Variants in ARHGAP18 observed in about 807,000 individuals in gnomAD.
ARHGAP18 encodes rho GTPase-activating protein 18.
A neutral mutation model predicts 86.2 loss-of-function variants in ARHGAP18; 67 were observed. That is an observed-to-expected ratio of 0.78 (90% CI 0.64 to 0.95). The LOEUF (loss-of-function observed/expected upper bound fraction) is 0.95, where lower values mean the gene tolerates loss of function less well. Ranked by LOEUF, ARHGAP18 falls within the 40% of genes least tolerant of loss-of-function variation. The pLI is 0.00. For missense variants in ARHGAP18, 691 were observed against 780.4 expected (o/e 0.89, Z 1.37); for synonymous variants, 283 against 280.4 (o/e 1.01, Z -0.09).
At chr6:129,672,841 A>T (rs967474364) in intron 1 of ARHGAP18, among the ~76,000 whole-genome samples, 2 of 152,350 alleles carry the variant, frequency 1.3e-5, no homozygotes, top group South Asian at 2.1e-4. Flanking sequence ...AGCTTTCAAG[A>T]CCTTAGCACA....
intron 8 of ARHGAP18, among the ~76,000 whole-genome samples, chr6:129,609,955 T>C (rs1788943729): frequency 1.3e-5 from 2 of 152,160 alleles, no homozygotes; most frequent in Non-Finnish European, 2.9e-5. Context: ...CACAGCCCAT[T>C]AGAAGCAGGC....
intron 5 of ARHGAP18, among the ~76,000 whole-genome samples, chr6:129,622,950 G>A (rs922698216): frequency 7.1e-6 from 1 of 140,752 alleles, no homozygotes; most frequent in African/African-American, 2.7e-5. Context: ...GCAGTGAGCC[G>A]AGATCGCGCC....
At chr6:129,624,452 C>A (rs1253443902) in intron 5 of ARHGAP18, among the ~76,000 whole-genome samples, 1 of 151,904 alleles carries the variant, frequency 6.6e-6, no homozygotes, top group Non-Finnish European at 1.5e-5. Context: ...CTCACTTAAA[C>A]CCAGGAGGTG....
At chr6:129,651,950 C>T (rs1450237829) in intron 1 of ARHGAP18, among the ~76,000 whole-genome samples, 2 of 152,216 alleles carry the variant, frequency 1.3e-5, no homozygotes, top group African/African-American at 4.8e-5. Context: ...GCAGCCTCGC[C>T]TCTTCCACAA....
intron 12 of ARHGAP18, among the ~76,000 whole-genome samples, chr6:129,585,958 T>A (rs1788388238): frequency 6.6e-6 from 1 of 152,190 alleles, no homozygotes; most frequent in Non-Finnish European, 1.5e-5. Context: ...CTTGACCTCA[T>A]CCCTAAGATA....
chr6:129,604,861 T>C (rs920598697), intron 10 of ARHGAP18, among the ~76,000 whole-genome samples: 13 of 152,304 alleles, frequency 8.5e-5, no homozygotes, highest in African/African-American at 3.1e-4. Flanking sequence ...CCCCATAAGC[T>C]GCTTCATCAA....
intron 13 of ARHGAP18, among the ~76,000 whole-genome samples, chr6:129,583,545 A>C (rs901178895): frequency 6.6e-6 from 1 of 152,156 alleles, no homozygotes; most frequent in African/African-American, 2.4e-5. Context: ...GTTTGTTTTT[A>C]AATTTGACCA....
At chr6:129,591,342 A>G (rs892528799) in intron 12 of ARHGAP18, among the ~76,000 whole-genome samples, 1 of 151,664 alleles carries the variant, frequency 6.6e-6, no homozygotes, top group Non-Finnish European at 1.5e-5. Flanking sequence ...TTTTTTTCCC[A>G]TTGAGATAGG....
intron 1 of ARHGAP18, among the ~76,000 whole-genome samples, chr6:129,705,822 C>A (rs961479962): frequency 1.3e-5 from 2 of 152,110 alleles, no homozygotes; most frequent in Non-Finnish European, 2.9e-5. Flanking sequence ...TTATGAAGTT[C>A]AATTTATGGG....
chr6:129,614,748 AT>A (rs10556070), intron 7 of ARHGAP18, among the ~76,000 whole-genome samples: 43,857 of 131,514 alleles, frequency 0.33, 6,600 homozygotes, highest in Non-Finnish European at 0.34. Flanking sequence ...GCAGTGACAG[AT>A]TTTTTTTTTT....
At chr6:129,652,349 T>C (rs1314786850) in intron 1 of ARHGAP18, among the ~76,000 whole-genome samples, 1 of 152,222 alleles carries the variant, frequency 6.6e-6, no homozygotes, top group Non-Finnish European at 1.5e-5. Context: ...TGTCAACCTT[T>C]ACCCATTCAT....
chr6:129,665,931 T>C (rs1774027811), intron 1 of ARHGAP18, among the ~76,000 whole-genome samples: 1 of 152,200 alleles, frequency 6.6e-6, no homozygotes, highest in Admixed American at 6.5e-5. Context: ...TGTGCATCTC[T>C]TTCTATCAGG....
intron 4 of ARHGAP18, 68 bp from the exon 5 acceptor site, chr6:129,629,590 A>C: frequency 1.3e-6 from 2 of 1,487,102 alleles, no homozygotes; most frequent in Non-Finnish European, 1.8e-6. Flanking sequence ...ATTCTAATGC[A>C]TTCGCTACAT....
At chr6:129,620,918 GCAA>G (rs1379555703) in intron 5 of ARHGAP18, among the ~76,000 whole-genome samples, 1 of 152,148 alleles carries the variant, frequency 6.6e-6, no homozygotes, top group Non-Finnish European at 1.5e-5. Context: ...GAGTGCTACT[GCAA>G]CAGACTGAAT....
intron 1 of ARHGAP18, among the ~76,000 whole-genome samples, chr6:129,658,005 A>G (rs995149954): frequency 1.3e-5 from 2 of 152,186 alleles, no homozygotes; most frequent in Non-Finnish European, 2.9e-5. Flanking sequence ...GCCCATACTA[A>G]TGTTTCCAGA....
chr6:129,625,637 A>G (rs111218879), intron 5 of ARHGAP18, among the ~76,000 whole-genome samples: 821 of 27,394 alleles, frequency 0.03, 82 homozygotes, highest in Non-Finnish European at 0.038. Context: ...ATATATATTT[A>G]TATTATATAT....
chr6:129,584,253 T>C (rs1182999085), intron 12 of ARHGAP18, 141 bp from the exon 13 acceptor site: 2 of 1,201,756 alleles, frequency 1.7e-6, no homozygotes, highest in Non-Finnish European at 2.2e-6. Context: ...ATAATGTAAT[T>C]TGCAAAATTA....
intron 1 of ARHGAP18, among the ~76,000 whole-genome samples, chr6:129,690,667 A>G (rs1486206843): frequency 6.6e-6 from 1 of 152,224 alleles, no homozygotes; most frequent in African/African-American, 2.4e-5. Context: ...TCAATAATAC[A>G]GCATATATAG....
intron 5 of ARHGAP18, among the ~76,000 whole-genome samples, chr6:129,621,509 C>T (rs761203182): frequency 6.6e-6 from 1 of 152,140 alleles, no homozygotes; most frequent in South Asian, 2.1e-4. Context: ...AGTCAGACTA[C>T]AGGTGGCAAA....
Sources: gnomAD v4.1 joint callset for allele counts (sites outside exome capture counted in the v4.1 genomes callset) on GRCh38, gnomAD v4.1.1 for gene constraint, MANE v1.5 for transcripts, NCBI Gene and HGNC (gene_info 2026-07-23, HGNC 2026-07-21) for gene names.